Variants in TAFA1 observed in about 807,000 individuals in gnomAD.
TAFA1 encodes chemokine-like protein TAFA-1.
In TAFA1, 4 loss-of-function variants were observed where a neutral mutation model predicts 18.5. That is an observed-to-expected ratio of 0.22 (90% CI 0.11 to 0.49). The LOEUF (loss-of-function observed/expected upper bound fraction) is 0.49, where lower values mean the gene tolerates loss of function less well. Among genes scored for constraint, TAFA1 ranks in the 20% least tolerant of loss-of-function variants. TAFA1 has a pLI of 0.98. For synonymous variants in TAFA1, 56 were observed against 55.2 expected, an observed-to-expected ratio of 1.01 and a Z score of -0.06; for missense variants, 147 against 169.0, an observed-to-expected ratio of 0.87 and a Z score of 0.72.
At chr3:68,368,688 T>A (rs1037492082) in intron 2 of TAFA1, among the ~76,000 whole-genome samples, 2 of 152,150 alleles carry the variant, frequency 1.3e-5, no homozygotes, top group Non-Finnish European at 1.5e-5. Context: ...ATTGACTTCT[T>A]TGCACAGGTA....
At chr3:68,425,399 T>G (rs1036779086) in intron 3 of TAFA1, among the ~76,000 whole-genome samples, 1 of 151,962 alleles carries the variant, frequency 6.6e-6, no homozygotes, top group Non-Finnish European at 1.5e-5. Context: ...CTGAACGCAT[T>G]TGACTTTATC....
intron 2 of TAFA1, among the ~76,000 whole-genome samples, chr3:68,176,101 A>T (rs1433792566): frequency 6.6e-6 from 1 of 152,186 alleles, no homozygotes. Context: ...GCCATGTGGA[A>T]CTGTACATTC....
chr3:68,168,694 T>C (rs1479932339), intron 2 of TAFA1, among the ~76,000 whole-genome samples: 1 of 152,240 alleles, frequency 6.6e-6, no homozygotes, highest in African/African-American at 2.4e-5. Context: ...GTTGCAAGTC[T>C]ATTTCTACAC....
At chr3:68,250,935 A>G (rs926388814) in intron 2 of TAFA1, 106 of 152,282 alleles carry the variant, frequency 7.0e-4, no homozygotes, top group African/African-American at 2.4e-3. Context: ...AATTTTTAAA[A>G]TAACTACAAT....
chr3:68,061,242 TTAAG>T (rs1344613773), intron 2 of TAFA1, among the ~76,000 whole-genome samples: 1 of 152,204 alleles, frequency 6.6e-6, no homozygotes, highest in Non-Finnish European at 1.5e-5. Flanking sequence ...AGGAGATTTA[TTAAG>T]TGTCAGGTTG....
At chr3:68,200,383 T>C (rs1010801648) in intron 2 of TAFA1, among the ~76,000 whole-genome samples, 2 of 151,648 alleles carry the variant, frequency 1.3e-5, no homozygotes, top group Non-Finnish European at 3.0e-5. Context: ...GCTTTTGTCT[T>C]CTAAAAGAGA....
intron 2 of TAFA1, among the ~76,000 whole-genome samples, chr3:68,296,712 A>G (rs2068214425): frequency 6.6e-6 from 1 of 152,152 alleles, no homozygotes; most frequent in Non-Finnish European, 1.5e-5. Flanking sequence ...TTATATTAAT[A>G]TACGTAATAA....
the TAFA1 span, among the ~76,000 whole-genome samples, chr3:67,992,005 T>G: frequency 2.8e-4 from 43 of 152,332 alleles, no homozygotes; most frequent in Middle Eastern, 3.4e-3. Flanking sequence ...ATGGTAGCAT[T>G]ACTTTCCACC....
rs2072935517 is a variant in TAFA1 at position 68,517,159 on chromosome 3, T to G, written c.260-21597T>G. On this transcript the variant is annotated intron_variant, in intron 3 of 4. Coordinates refer to ENST00000478136, the MANE Select transcript of TAFA1 (RefSeq NM_213609.4). ...TTAGTATTATCATGTCTTCAACACCTCTCAAAAATATATTCATCTCCAACT... is the reference window on the plus strand; with the variant it reads ...TTAGTATTATCATGTCTTCAACACCGCTCAAAAATATATTCATCTCCAACT... 3.9e-5 allele frequency among the ~76,000 whole-genome samples: 6 copies of G among 152,286 alleles called. No individual in the cohort carries two copies. In the South Asian group the frequency reaches 1.2e-3, roughly 32 times the overall value.
chr3:68,256,105 C>G (rs922137380), intron 2 of TAFA1, among the ~76,000 whole-genome samples: 7 of 152,082 alleles, frequency 4.6e-5, no homozygotes, highest in Non-Finnish European at 1.0e-4. Context: ...GATCAGATGG[C>G]TACTCCAAGC....
intron 2 of TAFA1, among the ~76,000 whole-genome samples, chr3:68,046,607 T>A (rs1169247132): frequency 6.6e-6 from 1 of 152,202 alleles, no homozygotes; most frequent in African/African-American, 2.4e-5. Context: ...AAATATTGAT[T>A]GAGTGCTTAC....
At chr3:68,364,119 A>G (rs972012587) in intron 2 of TAFA1, among the ~76,000 whole-genome samples, 1 of 152,192 alleles carries the variant, frequency 6.6e-6, no homozygotes, top group Admixed American at 6.5e-5. Flanking sequence ...TGACAACAGA[A>G]AGTGAAATCA....
At chr3:68,194,438 C>A (rs552881030) in intron 2 of TAFA1, among the ~76,000 whole-genome samples, 3 of 151,680 alleles carry the variant, frequency 2.0e-5, no homozygotes, top group Non-Finnish European at 4.4e-5. Context: ...ACTAACCAGA[C>A]AATTTTCTTT....
intron 2 of TAFA1, among the ~76,000 whole-genome samples, chr3:68,283,737 A>C (rs2107261706): frequency 6.6e-6 from 1 of 152,282 alleles, no homozygotes; most frequent in African/African-American, 2.4e-5. Context: ...ATCCTACCTC[A>C]CAACACATCC....
intron 2 of TAFA1, among the ~76,000 whole-genome samples, chr3:68,302,106 G>A (rs927991198): frequency 6.6e-6 from 1 of 152,082 alleles, no homozygotes; most frequent in African/African-American, 2.4e-5. Flanking sequence ...AGAAGATCAG[G>A]TGTTTTCTTT....
In TAFA1 at chr3:68,538,400, A is replaced by T. The variant is rs147855498; in HGVS notation, c.260-356A>T. ...TATCCTTGCTTTAAGTTTAAACTAA[A>T]TTCCTCCCAAAGTTAGCTTAGCCTA... On this transcript the variant is annotated intron_variant, in intron 3 of 4. Coordinates refer to ENST00000478136, the MANE Select transcript of TAFA1 (RefSeq NM_213609.4). Among the ~76,000 whole-genome samples the T allele has an allele frequency of 2.4e-3, 369 of 152,274 alleles. 2 individuals are homozygous for T. Among genetic ancestry groups the T allele is most frequent in the African/African-American group, 8.4e-3 (351 of 41,550 alleles).
chr3:68,141,110 C>T (rs769363377), intron 2 of TAFA1, among the ~76,000 whole-genome samples: 5 of 152,320 alleles, frequency 3.3e-5, no homozygotes, highest in Non-Finnish European at 7.3e-5. Context: ...GTCTCCCCTT[C>T]TGGCATTAAT....
At chr3:68,045,316 T>G (rs1194751751) in intron 2 of TAFA1, among the ~76,000 whole-genome samples, 1 of 152,178 alleles carries the variant, frequency 6.6e-6, no homozygotes, top group Non-Finnish European at 1.5e-5. Context: ...AAAAGTCATA[T>G]GTGCGAGTCC....
At chr3:68,039,285 T>G (rs1705115484) in intron 2 of TAFA1, among the ~76,000 whole-genome samples, 1 of 152,236 alleles carries the variant, frequency 6.6e-6, no homozygotes, top group African/African-American at 2.4e-5. Flanking sequence ...TTAGCAATTA[T>G]GCATATTTCT....
Sources: gnomAD v4.1 joint callset for allele counts (sites outside exome capture counted in the v4.1 genomes callset) on GRCh38, gnomAD v4.1.1 for gene constraint, MANE v1.5 for transcripts, NCBI Gene and HGNC (gene_info 2026-07-23, HGNC 2026-07-21) for gene names.